ADARB2: variants seen among roughly 807,000 people sequenced by gnomAD.
ADARB2 encodes adenosine deaminase RNA specific B2 (inactive).
A neutral mutation model predicts 62.2 loss-of-function variants in ADARB2; 25 were observed. That is an observed-to-expected ratio of 0.40 (90% CI 0.29 to 0.56). The LOEUF is 0.56. Ranked by LOEUF, ADARB2 falls within the 20% of genes least tolerant of loss-of-function variation. ADARB2 has a pLI of 0.43. For synonymous variants in ADARB2, 572 were observed against 500.8 expected, an observed-to-expected ratio of 1.14 and a Z score of -1.90; for missense variants, 1,071 against 1,077.4, an observed-to-expected ratio of 0.99 and a Z score of 0.08.
chr10:1,680,195 C>T (rs892987407), intron 1 of ADARB2, among the ~76,000 whole-genome samples: 11 of 136,106 alleles, frequency 8.1e-5, no homozygotes, highest in Middle Eastern at 4.0e-3. Context: ...CTGTGTAATC[C>T]GCCACTCATA....
At chr10:1,713,114 A>T (rs1451153738) in intron 1 of ADARB2, among the ~76,000 whole-genome samples, 1 of 152,188 alleles carries the variant, frequency 6.6e-6, no homozygotes, top group Non-Finnish European at 1.5e-5. Context: ...GAGTCAGGCG[A>T]TGGAGGCTGC....
intron 3 of ADARB2, among the ~76,000 whole-genome samples, chr10:1,298,720 ATTTTTTTTTTTTTTTTT>A (rs75978268): frequency 8.5e-4 from 94 of 110,714 alleles, no homozygotes; most frequent in African/African-American, 1.5e-3. Flanking sequence ...TGCGACGGGA[ATTTTTTTTTTTTTTTTT>A]TTTTTTTTTT....
At chr10:1,342,234 A>C (rs72762943) in intron 3 of ADARB2, among the ~76,000 whole-genome samples, 20,971 of 152,132 alleles carry the variant, frequency 0.14, 1,739 homozygotes, top group South Asian at 0.23. Flanking sequence ...TTTTATCATT[A>C]AAACCACCCT....
intron 4 of ADARB2, among the ~76,000 whole-genome samples, chr10:1,244,663 G>A (rs770342128): frequency 2.0e-5 from 3 of 152,162 alleles, no homozygotes; most frequent in African/African-American, 4.8e-5. Context: ...GAGATGACGC[G>A]GTCAGAAACG....
At chr10:1,331,267 A>G (rs904439560) in intron 3 of ADARB2, among the ~76,000 whole-genome samples, 2 of 152,244 alleles carry the variant, frequency 1.3e-5, no homozygotes, top group African/African-American at 4.8e-5. Context: ...CCCAAGAGAA[A>G]TAAAAACATA....
At chr10:1,703,780 T>C (rs541186212) in intron 1 of ADARB2, among the ~76,000 whole-genome samples, 205 of 152,348 alleles carry the variant, frequency 1.3e-3, no homozygotes, top group Admixed American at 2.4e-3. Context: ...AAGGTGTTTT[T>C]TGAAAGTAGC....
At chr10:1,548,973 A>T (rs748895637) in intron 1 of ADARB2, among the ~76,000 whole-genome samples, 4 of 152,036 alleles carry the variant, frequency 2.6e-5, no homozygotes, top group Non-Finnish European at 4.4e-5. Context: ...GGCGGGGGAG[A>T]GAGGCGTTGG....
intron 4 of ADARB2, among the ~76,000 whole-genome samples, chr10:1,266,541 G>A (rs1831205962): frequency 6.6e-6 from 1 of 152,008 alleles, no homozygotes; most frequent in South Asian, 2.1e-4. Context: ...CAAATCCTAA[G>A]GAGACCTGAG....
intron 1 of ADARB2, among the ~76,000 whole-genome samples, chr10:1,505,522 C>T (rs1485873341): frequency 1.3e-5 from 2 of 152,184 alleles, no homozygotes; most frequent in Non-Finnish European, 2.9e-5. Flanking sequence ...CATCTTCCCT[C>T]GGAAAACACT....
chr10:1,478,709 C>T (rs559041151), intron 1 of ADARB2, among the ~76,000 whole-genome samples: 534 of 149,352 alleles, frequency 3.6e-3, no homozygotes, highest in Middle Eastern at 0.024. Context: ...GACGGGAGAG[C>T]GCCAAAACAA....
intron 2 of ADARB2, among the ~76,000 whole-genome samples, chr10:1,377,100 G>A (rs1319995366): frequency 2.2e-5 from 3 of 137,336 alleles, no homozygotes; most frequent in Non-Finnish European, 4.7e-5. Flanking sequence ...GTGTTTGTGT[G>A]CACCCCTGGG....
At chr10:1,330,348 T>C (rs1462428001) in intron 3 of ADARB2, among the ~76,000 whole-genome samples, 1 of 152,242 alleles carries the variant, frequency 6.6e-6, no homozygotes, top group African/African-American at 2.4e-5. Flanking sequence ...GAGCATTCTC[T>C]CCACATTTGC....
chr10:1,185,587 A>G (rs1422864947), intron 8 of ADARB2, among the ~76,000 whole-genome samples: 1 of 152,260 alleles, frequency 6.6e-6, no homozygotes, highest in East Asian at 1.9e-4. Flanking sequence ...CACTGGCTAC[A>G]GAGTGTTTGA....
intron 1 of ADARB2, among the ~76,000 whole-genome samples, chr10:1,444,943 C>T (rs1830950469): frequency 6.7e-6 from 1 of 149,746 alleles, no homozygotes; most frequent in African/African-American, 2.5e-5. Context: ...ATCAATCCAT[C>T]CACCCACCCA....
intron 1 of ADARB2, among the ~76,000 whole-genome samples, chr10:1,726,560 A>C (rs1368155733): frequency 6.6e-6 from 1 of 151,952 alleles, no homozygotes; most frequent in Admixed American, 6.6e-5. Context: ...CACATGACCG[A>C]CCTCCAGGCA....
chr10:1,690,697 G>C lies in ADARB2; in HGVS notation c.100+46354C>G, dbSNP rs115491862. Among the ~76,000 whole-genome samples the C allele has an allele frequency of 2.7e-3, 408 of 152,206 alleles. 1 individual carries two copies. The highest frequency in any genetic ancestry group is 9.3e-3 in the African/African-American group (386 of 41,516). ...CACTGCCCTGCTTTGCACACCCCACGTCGAGGAAGCCCAAGGCCTGCTGAC... is the reference window on the plus strand; with the variant it reads ...CACTGCCCTGCTTTGCACACCCCACCTCGAGGAAGCCCAAGGCCTGCTGAC... On this transcript the variant is annotated intron_variant, in intron 1 of 9. Transcript: ENST00000381312.
At chr10:1,420,517 T>C (rs1352569615) in intron 1 of ADARB2, among the ~76,000 whole-genome samples, 2 of 149,718 alleles carry the variant, frequency 1.3e-5, no homozygotes, top group African/African-American at 4.9e-5. Flanking sequence ...TGTCTCTATC[T>C]ACCAAATAGA....
chr10:1,545,678 T>A (rs1252068461), intron 1 of ADARB2, among the ~76,000 whole-genome samples: 1 of 152,152 alleles, frequency 6.6e-6, no homozygotes, highest in Admixed American at 6.5e-5. Flanking sequence ...TGGGCAGCCT[T>A]GGCAGGGATG....
At chr10:1,432,968 G>C (rs1830792357) in intron 1 of ADARB2, among the ~76,000 whole-genome samples, 2 of 151,996 alleles carry the variant, frequency 1.3e-5, no homozygotes, top group Non-Finnish European at 2.9e-5. Flanking sequence ...TTTTAAAGGA[G>C]ATCCCAGGTG....
Sources: gnomAD v4.1 joint callset for allele counts (sites outside exome capture counted in the v4.1 genomes callset) on GRCh38, gnomAD v4.1.1 for gene constraint, MANE v1.5 for transcripts, NCBI Gene and HGNC (gene_info 2026-07-23, HGNC 2026-07-21) for gene names.